Variants in MCM3 observed in about 807,000 individuals in gnomAD.
MCM3 encodes the protein minichromosome maintenance complex component 3.
MCM3 carries 59 observed loss-of-function variants against 91.3 expected under a neutral mutation model. That is an observed-to-expected ratio of 0.65 (90% confidence interval 0.52 to 0.80). The LOEUF (loss-of-function observed/expected upper bound fraction) is 0.80. Among genes scored for constraint, MCM3 ranks in the 30% least tolerant of loss-of-function variants. The pLI, the probability that MCM3 is intolerant of heterozygous loss-of-function variation, is 0.00. For missense variants in MCM3, 919 were observed against 1,035.4 expected (o/e 0.89, Z 1.54); for synonymous variants, 383 against 379.6 (o/e 1.01, Z -0.10).
chr6:52,273,942 T>C (rs768989890), intron 9 of MCM3, 26 bp from the exon 10 acceptor site: 11 of 1,570,456 alleles, frequency 7.0e-6, no homozygotes, highest in Non-Finnish European at 9.6e-6. Flanking sequence ...ACAACAGAAG[T>C]GGACATGACA....
chr6:52,266,029 C>A (rs751977699), intron 16 of MCM3, 46 bp downstream of exon 16: 1 of 1,547,614 alleles, frequency 6.5e-7, no homozygotes, highest in Non-Finnish European at 8.9e-7. Flanking sequence ...CCTTCCTCAG[C>A]GATACACAGA....
At chr6:52,273,133 C>G in intron 11 of MCM3, 97 bp downstream of exon 11, 2 of 1,446,902 alleles carry the variant, frequency 1.4e-6, no homozygotes, top group South Asian at 2.4e-5. Context: ...TGGCTTTGAC[C>G]TGGGCATATA....
chr6:52,267,615 C>A (rs1194303138), intron 14 of MCM3, among the ~76,000 whole-genome samples: 3 of 151,350 alleles, frequency 2.0e-5, no homozygotes, highest in Admixed American at 2.0e-4. Flanking sequence ...GCAACCTCTG[C>A]CTCCCAGGCT....
intron 12 of MCM3, among the ~76,000 whole-genome samples, chr6:52,270,987 C>A (rs1765087374): frequency 6.6e-6 from 1 of 152,112 alleles, no homozygotes; most frequent in Admixed American, 6.5e-5. Context: ...CCGAGATGGG[C>A]GGATCACGAG....
chr6:52,276,800 T>C (rs1765607926), intron 8 of MCM3, among the ~76,000 whole-genome samples: 1 of 152,246 alleles, frequency 6.6e-6, no homozygotes, highest in Non-Finnish European at 1.5e-5. Context: ...TCCAAATCCC[T>C]TCCTCTAGTT....
At chr6:52,278,085 A>G (rs1379095256) in intron 6 of MCM3, among the ~76,000 whole-genome samples, 3 of 150,744 alleles carry the variant, frequency 2.0e-5, no homozygotes, top group Non-Finnish European at 4.4e-5. Context: ...AAAAAAAAAA[A>G]AAAAAAAAAA....
intron 12 of MCM3, 82 bp from the exon 13 acceptor site, chr6:52,269,308 A>G (rs1372773832): frequency 3.5e-6 from 5 of 1,434,172 alleles, no homozygotes; most frequent in Non-Finnish European, 3.8e-6. Flanking sequence ...GGGAAATGAC[A>G]CTACCAGAAA....
In MCM3 at chr6:52,264,785, A is replaced by G. The variant is rs1396274215; in HGVS notation, c.2230T>C (p.Leu744=). Residue 744 remains leucine (L), a splice_region_variant and synonymous_variant, in exon 17 of 17, where the codon TTG becomes CTG. Coordinates refer to ENST00000596288, the MANE Select transcript of MCM3 (RefSeq NM_002388.6). ...SQKVELSESR[L]KAFKVALLDV... Reference sequence around the variant, plus strand: ...AAGAGGGCCACCTTGAATGCCTTCAACCTGCCCCAGACAGAAGAAAGGGGG... The same window carrying G: ...AAGAGGGCCACCTTGAATGCCTTCAGCCTGCCCCAGACAGAAGAAAGGGGG... 1 of 1,613,620 alleles carries G rather than the reference A, an allele frequency of 6.2e-7. No homozygotes were observed.
At chr6:52,268,918 A>C (rs1764864490) in intron 13 of MCM3, among the ~76,000 whole-genome samples, 168 bp downstream of exon 13, 1 of 152,232 alleles carries the variant, frequency 6.6e-6, no homozygotes, top group African/African-American at 2.4e-5. Context: ...AGGGTTGAGA[A>C]TCACTGAGTG....
chr6:52,281,270 T>C (rs949045451), intron 4 of MCM3, among the ~76,000 whole-genome samples: 1 of 152,266 alleles, frequency 6.6e-6, no homozygotes, highest in Non-Finnish European at 1.5e-5. Context: ...TTTTCTACTT[T>C]TTAAAAAGCA....
At chr6:52,277,402 GATTC>G (rs1765674688) in intron 7 of MCM3, 129 bp downstream of exon 7, 7 of 960,936 alleles carry the variant, frequency 7.3e-6, no homozygotes, top group East Asian at 2.7e-5. Flanking sequence ...AAAAAAAAAA[GATTC>G]ATTTTAGCCT....
chr6:52,265,584 G>C (rs1174206296), intron 16 of MCM3, among the ~76,000 whole-genome samples: 1 of 151,402 alleles, frequency 6.6e-6, no homozygotes. Context: ...ATTTTTTTCA[G>C]TAAATACACT....
intron 9 of MCM3, among the ~76,000 whole-genome samples, chr6:52,274,415 C>T (rs907529924): frequency 1.3e-5 from 2 of 152,188 alleles, no homozygotes; most frequent in African/African-American, 4.8e-5. Flanking sequence ...CACATCCACT[C>T]ACACCTGTAA....
At chr6:52,273,111 T>C in intron 11 of MCM3, 119 bp downstream of exon 11, 3 of 1,173,292 alleles carry the variant, frequency 2.6e-6, no homozygotes, top group Non-Finnish European at 3.7e-6. Flanking sequence ...CACGTGGTTA[T>C]GACTCCAGGC....
Position 52,269,168 on chromosome 6 carries a change from G to C in MCM3, c.1886C>G (p.Ala629Gly). 6.2e-7 allele frequency: 1 copy of C among 1,613,938 alleles called. No individual in the cohort carries two copies. Among genetic ancestry groups the C allele is most frequent in the Non-Finnish European group, 8.5e-7 (1 of 1,179,842 alleles). ...CACAGTCTTGCTCATGCGGGCCTTC[G>C]CATGGGCTGTGGCCAGTCGAATCAG... Reference protein sequence around the residue: ...ETLIRLATAHAKARMSKTVDL... With the variant: ...ETLIRLATAHGKARMSKTVDL... The change falls in exon 13 of 17, where the codon GCG becomes GGG. Residue 629 changes from alanine to glycine, a missense_variant. This residue lies in a region of MCM3 where 285 missense variants were observed against 311.4 expected (regional missense o/e 0.92). Transcript: ENST00000596288.
chr6:52,278,280 G>A (rs1048660418), intron 6 of MCM3, among the ~76,000 whole-genome samples: 4 of 152,028 alleles, frequency 2.6e-5, no homozygotes, highest in African/African-American at 9.7e-5. Context: ...AACATTTTAG[G>A]TTTAATAAGA....
At position 52,280,283 on chromosome 6, in the gene MCM3, A is replaced by G. The variant is rs561674041; in HGVS notation, c.532-684T>C. On this transcript the variant is annotated intron_variant, in intron 4 of 16. Coordinates refer to ENST00000596288, the MANE Select transcript of MCM3 (RefSeq NM_002388.6). ...AGGTGTACTCAGCTTGTAAAAATTC[A>G]TCAAGCTATACACTTATGTGAGCTT... Among the ~76,000 whole-genome samples, 3 of 152,356 alleles carry G rather than the reference A, an allele frequency of 2.0e-5. No homozygotes were observed. The South Asian group carries it at 6.2e-4, about 32-fold the overall frequency.
chr6:52,266,778 C>A, intron 14 of MCM3, 82 bp from the exon 15 acceptor site: 2 of 1,033,510 alleles, frequency 1.9e-6, no homozygotes, highest in Non-Finnish European at 3.0e-6. Flanking sequence ...CCTCTAACTA[C>A]GGAGAAAAGG....
rs999646636 is a variant in MCM3 at position 52,273,730 on chromosome 6, T to G, written c.1549+12A>C. 36 of 1,603,062 alleles carry G rather than the reference T, an allele frequency of 2.2e-5. No individual in the cohort carries two copies. In the Admixed American group the frequency reaches 5.9e-4, roughly 26 times the overall value. On this transcript the variant is annotated intron_variant, in intron 10 of 16. Transcript: ENST00000596288. ...TTTCCATTAGTTACTCTTACTATTC[T>G]TATGGCCTCACCATCGCCATCCTGC...
Sources: allele counts gnomAD v4.1 joint callset (sites outside exome capture counted in the v4.1 genomes callset), GRCh38; gene constraint gnomAD v4.1.1; regional missense constraint gnomAD v4.1.1; transcripts MANE v1.5; gene names NCBI Gene and HGNC (gene_info 2026-07-23, HGNC 2026-07-21).